ZNF560: variants seen among roughly 807,000 people sequenced by gnomAD.
ZNF560 encodes the protein zinc finger protein 560.
A neutral mutation model predicts 81.8 loss-of-function variants in ZNF560; 54 were observed. The observed-to-expected ratio is 0.66, with a 90% CI of 0.53 to 0.83. ZNF560 has a LOEUF of 0.83. ZNF560 is among the 40% of genes least tolerant of loss of function. ZNF560 has a pLI of 0.00. For missense variants in ZNF560, 940 were observed against 932.4 expected, an observed-to-expected ratio of 1.01 and a Z score of -0.11; for synonymous variants, 321 against 317.9, an observed-to-expected ratio of 1.01 and a Z score of -0.10.
intron 2 of ZNF560, among the ~76,000 whole-genome samples, chr19:9,487,046 T>G: frequency 8.1e-6 from 1 of 123,630 alleles, no homozygotes; most frequent in Non-Finnish European, 1.7e-5. Context: ...CTTTACCTAT[T>G]TAGGAAAGTT....
chr19:9,446,216 A>AT, the ZNF560 span, among the ~76,000 whole-genome samples: 394 of 151,292 alleles, frequency 2.6e-3, 7 homozygotes, highest in Admixed American at 0.019. Context: ...TTGAACGCTG[A>AT]TTTTTTTTTC....
intron 2 of ZNF560, among the ~76,000 whole-genome samples, chr19:9,489,523 G>A (rs1175173204): frequency 2.0e-5 from 3 of 152,136 alleles, no homozygotes; most frequent in Non-Finnish European, 4.4e-5. Flanking sequence ...GTCAGACAGG[G>A]CGGTGGCCAG....
At chr19:9,469,516 T>C (rs765525034) in intron 8 of ZNF560, 114 bp downstream of exon 8, 1 of 919,698 alleles carries the variant, frequency 1.1e-6, no homozygotes, top group Non-Finnish European at 1.7e-6. Flanking sequence ...TCCCAAAACA[T>C]CCAAGTCCAG....
At chr19:9,465,027 T>C (rs562532405), downstream of ZNF560, among the ~76,000 whole-genome samples, 2 of 152,286 alleles carry the variant, frequency 1.3e-5, no homozygotes, top group African/African-American at 4.8e-5. Context: ...CACCAAAGTA[T>C]TTGGCAAGAA....
chr19:9,482,217 T>C (rs2144709130), intron 2 of ZNF560, among the ~76,000 whole-genome samples: 1 of 151,752 alleles, frequency 6.6e-6, no homozygotes, highest in Admixed American at 6.6e-5. Context: ...AGGTGAGAAT[T>C]GAACAATGAG....
chr19:9,467,718 C>T lies in ZNF560; in HGVS notation c.1229G>A (p.Gly410Asp), dbSNP rs768180126. ...GCCTGCAGATGTACCAAAGGCTTTA[C>T]CACATTCCTTACACCCATAGGGCTT... ...GEKPYGCKEC[G>D]KAFGTSAGLI... Residue 410 changes from glycine (G) to aspartate (D), a missense_variant, in exon 10 of 10, where the codon GGT (glycine) becomes GAT (aspartate). Physicochemically the swap from Gly to Asp is moderately conservative, Grantham distance 94. Coordinates refer to ENST00000301480, the MANE Select transcript of ZNF560 (RefSeq NM_152476.3). 7 of 1,614,092 alleles carry T rather than the reference C, an allele frequency of 4.3e-6. No individual in the cohort carries two copies. The highest frequency in any genetic ancestry group is 3.3e-5 in the South Asian group (3 of 91,074).
In ZNF560 at chr19:9,467,867, A is replaced by G. The variant is rs201392797; in HGVS notation, c.1080T>C (p.Pro360=). The change falls in exon 10 of 10, where the codon CCT becomes CCC. Residue 360 remains proline, a synonymous_variant. Transcript: ENST00000301480. ...TTTGCATGTGATTATTAAGGTGGGT[A>G]GGGTATCTAAAATCTTTTCCACATT... is the stretch of plus-strand genomic sequence containing the variant. The part of the protein sequence containing the change: ...CKECGKDFRY[P]THLNNHMQTH... 17 of 1,614,048 alleles carry G rather than the reference A, an allele frequency of 1.1e-5. No homozygotes were observed. Among genetic ancestry groups the G allele is most frequent in the Middle Eastern group, 1.6e-4 (1 of 6,082 alleles).
chr19:9,482,729 A>C (rs1599668055), intron 2 of ZNF560, among the ~76,000 whole-genome samples: 1 of 146,526 alleles, frequency 6.8e-6, no homozygotes, highest in East Asian at 2.0e-4. Context: ...GCTGGACTGT[A>C]CTGCCACCAT....
intron 2 of ZNF560, among the ~76,000 whole-genome samples, chr19:9,494,420 G>A (rs1011283298): frequency 6.6e-6 from 1 of 152,070 alleles, no homozygotes; most frequent in Non-Finnish European, 1.5e-5. Flanking sequence ...AACATGTTAA[G>A]CTTTATCATG....
In ZNF560 at chr19:9,471,387, A is replaced by G; in HGVS notation, c.239-9T>C. 1.3e-6 allele frequency: 2 copies of G among 1,550,340 alleles called. No individual in the cohort carries two copies. Among genetic ancestry groups the G allele is most frequent in the Non-Finnish European group, 1.7e-6 (2 of 1,157,118 alleles). ...ATGTTTTATTGCCCAGTCTGAAACA[A>G]AAACATAAACTGAGGTTTTTTTTTT... On this transcript the variant is annotated splice_polypyrimidine_tract_variant and intron_variant, in intron 5 of 9. Coordinates refer to ENST00000301480, the MANE Select transcript of ZNF560 (RefSeq NM_152476.3).
the ZNF560 span, among the ~76,000 whole-genome samples, chr19:9,450,240 G>A: frequency 3.3e-5 from 5 of 151,230 alleles, no homozygotes; most frequent in South Asian, 2.1e-4. Flanking sequence ...GCAGTGAGCC[G>A]AGATCGCGCT....
At chr19:9,481,911 A>G (rs2073295508) in intron 2 of ZNF560, among the ~76,000 whole-genome samples, 1 of 152,242 alleles carries the variant, frequency 6.6e-6, no homozygotes, top group South Asian at 2.1e-4. Flanking sequence ...TGGCCCAGCC[A>G]TCCCATTACT....
Position 9,468,011 on chromosome 19 carries a change from T to G in ZNF560, c.936A>C (p.Lys312Asn), listed in dbSNP as rs1028560190. Residue 312 changes from lysine to asparagine, a missense_variant, in exon 10 of 10, where the codon AAA becomes AAC. Transcript: ENST00000301480. ...IYQSYLEAHR[K>N]TQSGEKLNEW... ...CATTGAGTTTTTCTCCACTCTGAGTTTTCCTGTGTGCTTCAAGGTATGACT... is the reference window on the plus strand; with the variant it reads ...CATTGAGTTTTTCTCCACTCTGAGTGTTCCTGTGTGCTTCAAGGTATGACT... 6.2e-7 allele frequency: 1 copy of G among 1,614,080 alleles called. No homozygotes were observed. Among genetic ancestry groups the G allele is most frequent in the Non-Finnish European group, 8.5e-7 (1 of 1,180,044 alleles).
chr19:9,485,509 GA>G (rs36106807), intron 2 of ZNF560, among the ~76,000 whole-genome samples: 61,173 of 127,250 alleles, frequency 0.48, 14,487 homozygotes, highest in Non-Finnish European at 0.57. Flanking sequence ...TACATCTCAA[GA>G]AAAAAAAAAA....
intron 6 of ZNF560, 90 bp from the exon 7 acceptor site, chr19:9,470,608 C>G: frequency 6.3e-7 from 1 of 1,590,180 alleles, no homozygotes; most frequent in East Asian, 2.2e-5. Flanking sequence ...AATCCCTGTA[C>G]AGGGTACTGA....
the ZNF560 span, among the ~76,000 whole-genome samples, chr19:9,459,952 G>T: frequency 1.3e-5 from 2 of 151,918 alleles, no homozygotes; most frequent in Non-Finnish European, 2.9e-5. Flanking sequence ...CATTATGTCA[G>T]ACAAGCAGGC....
At chr19:9,462,537 CTA>C (rs760994878), downstream of ZNF560, among the ~76,000 whole-genome samples, 16 of 152,150 alleles carry the variant, frequency 1.1e-4, no homozygotes, top group Non-Finnish European at 1.6e-4. Context: ...CTATTTCTGT[CTA>C]TGTCTTTATT....
At chr19:9,506,491 A>T in the ZNF560 span, among the ~76,000 whole-genome samples, 1,462 of 146,180 alleles carry the variant, frequency 0.01, 10 homozygotes, top group South Asian at 0.024. Context: ...ATTGATTTTT[A>T]AAAAATTCAG....
chr19:9,471,339 T>C lies in ZNF560; in HGVS notation c.278A>G (p.Gln93Arg). The change falls in exon 6 of 10, where the codon CAG (glutamine) becomes CGG (arginine). Residue 93 changes from glutamine to arginine, a missense_variant. Coordinates refer to ENST00000301480, the MANE Select transcript of ZNF560 (RefSeq NM_152476.3). ...AGTTTGTATTTTCCAAAACTCCTGC[T>C]GCAGTGCTGAAACACTGGTTTGATG... ...IKHQTSVSAL[Q>R]QEFWKIQTSN... The C allele has an allele frequency of 1.9e-6, 3 of 1,599,886 alleles. No individual in the cohort carries two copies. Among genetic ancestry groups the C allele is most frequent in the Non-Finnish European group, 2.6e-6 (3 of 1,174,408 alleles).
Sources: allele counts gnomAD v4.1 joint callset (sites outside exome capture counted in the v4.1 genomes callset), GRCh38; gene constraint gnomAD v4.1.1; transcripts MANE v1.5; gene names NCBI Gene and HGNC (gene_info 2026-07-23, HGNC 2026-07-21).